COL27A1: variants seen among roughly 807,000 people sequenced by gnomAD.
COL27A1 encodes collagen alpha-1(XXVII) chain.
COL27A1 carries 106 observed loss-of-function variants against 251.3 expected under a neutral mutation model. That is an observed-to-expected ratio of 0.42 (90% CI 0.36 to 0.50). The LOEUF (loss-of-function observed/expected upper bound fraction) is 0.50, where lower values mean the gene tolerates loss of function less well. COL27A1 is among the 20% of genes least tolerant of loss of function. COL27A1 has a pLI of 0.00. For synonymous variants in COL27A1, 1,000 were observed against 986.3 expected, an observed-to-expected ratio of 1.01 and a Z score of -0.26; for missense variants, 2,325 against 2,522.8, an observed-to-expected ratio of 0.92 and a Z score of 1.68.
chr9:114,235,340 G>A (rs186477639), intron 16 of COL27A1, among the ~76,000 whole-genome samples: 36 of 152,330 alleles, frequency 2.4e-4, no homozygotes, highest in Non-Finnish European at 4.6e-4. Context: ...ACTGGGCAGT[G>A]GGCAGCTTAG....
At chr9:114,245,148 G>GTTTTGTT (rs1833027956) in intron 23 of COL27A1, among the ~76,000 whole-genome samples, 3 of 101,308 alleles carry the variant, frequency 3.0e-5, no homozygotes, top group African/African-American at 1.2e-4. Context: ...GTGCATTCTT[G>GTTTTGTT]TTTTTTTTTT....
intron 28 of COL27A1, among the ~76,000 whole-genome samples, chr9:114,263,141 G>A (rs538090664): frequency 6.6e-6 from 1 of 152,154 alleles, no homozygotes; most frequent in Non-Finnish European, 1.5e-5. Flanking sequence ...GTTTCACCAT[G>A]TTGGTCAGGC....
At chr9:114,261,933 G>T (rs556958977) in intron 28 of COL27A1, among the ~76,000 whole-genome samples, 41 of 152,300 alleles carry the variant, frequency 2.7e-4, no homozygotes, top group Non-Finnish European at 4.7e-4. Flanking sequence ...ATTATTTGAT[G>T]ACTTAAGCTT....
chr9:114,230,000 G>T (rs914320843), intron 14 of COL27A1, among the ~76,000 whole-genome samples: 16 of 152,216 alleles, frequency 1.1e-4, no homozygotes, highest in Non-Finnish European at 2.2e-4. Flanking sequence ...AATGCCTCCA[G>T]ACATTGCTAA....
intron 32 of COL27A1, among the ~76,000 whole-genome samples, chr9:114,266,091 A>C (rs879870778): frequency 6.6e-6 from 1 of 152,108 alleles, no homozygotes; most frequent in Non-Finnish European, 1.5e-5. Flanking sequence ...AGAGGACAGA[A>C]TCTCCAGGGG....
In COL27A1 at chr9:114,282,665, C is replaced by T. The variant is rs1407661884; in HGVS notation, c.3879+101C>T. On this transcript the variant is annotated intron_variant, in intron 39 of 60. Transcript: ENST00000356083. ...GCTTCTCTGTGCTGTTATCACCCACCCCAGCTATTAGCTGAACACCTGGTG... is the reference window on the plus strand; with the variant it reads ...GCTTCTCTGTGCTGTTATCACCCACTCCAGCTATTAGCTGAACACCTGGTG... 116 of 725,564 alleles carry T rather than the reference C, an allele frequency of 1.6e-4. 2 individuals carry two copies. In the East Asian group the frequency reaches 3.2e-3, roughly 20 times the overall value. The allele number at this position is 725,564 out of a possible 1,614,324, so 44.9% of individuals were successfully genotyped here.
chr9:114,195,642 A>G (rs1028629549), intron 6 of COL27A1, among the ~76,000 whole-genome samples: 2 of 152,162 alleles, frequency 1.3e-5, no homozygotes, highest in Admixed American at 6.5e-5. Context: ...TGGGACTGAT[A>G]AGGCACATGT....
intron 6 of COL27A1, 74 bp downstream of exon 6, chr9:114,194,531 A>G: frequency 7.5e-7 from 1 of 1,333,608 alleles, no homozygotes; most frequent in Non-Finnish European, 1.1e-6. Context: ...CTTTAAAGCT[A>G]GCTGTCCTGC....
At chr9:114,236,892 G>T (rs1832435587) in intron 17 of COL27A1, 89 bp from the exon 18 acceptor site, 1 of 1,251,866 alleles carries the variant, frequency 8.0e-7, no homozygotes, top group Admixed American at 1.8e-5. Flanking sequence ...GGCGTTCTCT[G>T]GGCCTGGGAC....
intron 1 of COL27A1, among the ~76,000 whole-genome samples, chr9:114,156,912 C>T (rs1305996221): frequency 6.6e-6 from 1 of 152,172 alleles, no homozygotes. Context: ...TCTTTCCATC[C>T]TGCCCCCAGG....
intron 59 of COL27A1, among the ~76,000 whole-genome samples, chr9:114,308,644 C>T (rs555034218): frequency 3.3e-5 from 5 of 152,332 alleles, no homozygotes; most frequent in Admixed American, 2.0e-4. Flanking sequence ...TTTGGGATCA[C>T]GCAGCAAACC....
Position 114,269,230 on chromosome 9 carries a change from G to A in COL27A1, c.3502-11G>A. On this transcript the variant is annotated splice_polypyrimidine_tract_variant and intron_variant, in intron 34 of 60. Transcript: ENST00000356083. ...ACCCACCCGCAAGGACTTTTGTTCG[G>A]CTTCTCCTAGGGTGACCTTGGACCC... 1 of 1,577,084 alleles carries A rather than the reference G, an allele frequency of 6.3e-7. No homozygotes were observed. Among genetic ancestry groups the A allele is most frequent in the Non-Finnish European group, 8.6e-7 (1 of 1,158,678 alleles).
intron 8 of COL27A1, 99 bp from the exon 9 acceptor site, chr9:114,205,660 T>C: frequency 9.2e-7 from 1 of 1,086,102 alleles, no homozygotes; most frequent in Non-Finnish European, 1.4e-6. Context: ...TTCCTGCCCC[T>C]CTCTTTATTC....
At position 114,168,311 on chromosome 9, in the gene COL27A1, A is replaced by T. The variant is rs918738464; in HGVS notation, c.756A>T (p.Gln252His). Residue 252 changes from glutamine to histidine, a missense_variant, in exon 3 of 61, where the codon CAA (glutamine) becomes CAT (histidine). Physicochemically the swap from Gln to His is conservative, Grantham distance 24. Around this residue, in one of 4 missense-constraint regions of COL27A1, gnomAD observed 1,183 missense variants for 1,144.1 expected, o/e 1.03. Coordinates refer to ENST00000356083, the MANE Select transcript of COL27A1 (RefSeq NM_032888.4). ...YQSPLGPLFSQDSGRPFTFQS... is the reference protein window; with the variant it reads ...YQSPLGPLFSHDSGRPFTFQS... ...CCCCACTGGGACCTCTCTTCTCCCA[A>T]GACTCTGGCAGACCTTTTACCTTCC... 3.1e-6 allele frequency: 5 copies of T among 1,613,282 alleles called. No individual in the cohort carries two copies. The highest frequency in any genetic ancestry group is 4.2e-6 in the Non-Finnish European group (5 of 1,180,000).
At chr9:114,291,177 G>T (rs1276519362) in intron 48 of COL27A1, among the ~76,000 whole-genome samples, 1 of 152,158 alleles carries the variant, frequency 6.6e-6, no homozygotes, top group Non-Finnish European at 1.5e-5. Context: ...GTCCACGGGC[G>T]CCCTCTCGTG....
In COL27A1 at chr9:114,159,715, T is replaced by C. The variant is rs142170403; in HGVS notation, c.63-3000T>C. 1.5e-3 allele frequency among the ~76,000 whole-genome samples: 225 copies of C among 152,324 alleles called. 2 individuals are homozygous for C. In the South Asian group the frequency reaches 0.026, roughly 17 times the overall value. On this transcript the variant is annotated intron_variant, in intron 1 of 60. Transcript: ENST00000356083. Reference sequence around the variant, plus strand: ...GATGCAGGGTACAGCTCTTCCCTAATGTATCTGGCCAATTTCCTAGAAAGC... The same window carrying C: ...GATGCAGGGTACAGCTCTTCCCTAACGTATCTGGCCAATTTCCTAGAAAGC...
At chr9:114,216,605 G>A (rs1292961570) in intron 12 of COL27A1, among the ~76,000 whole-genome samples, 1 of 152,196 alleles carries the variant, frequency 6.6e-6, no homozygotes, top group Non-Finnish European at 1.5e-5. Context: ...ATGAGGTGGT[G>A]AACATCAAGA....
intron 11 of COL27A1, 21 bp downstream of exon 11, chr9:114,209,749 A>G: frequency 6.2e-7 from 1 of 1,613,210 alleles, no homozygotes; most frequent in South Asian, 1.1e-5. Flanking sequence ...TTCTTTGGTT[A>G]TTCACCATCC....
At chr9:114,157,345 T>C (rs971859953) in intron 1 of COL27A1, among the ~76,000 whole-genome samples, 2 of 152,214 alleles carry the variant, frequency 1.3e-5, no homozygotes, top group Non-Finnish European at 2.9e-5. Flanking sequence ...GGCGCCAGCA[T>C]ACCTCTGCTC....
Sources: allele counts gnomAD v4.1 joint callset (sites outside exome capture counted in the v4.1 genomes callset), GRCh38; gene constraint gnomAD v4.1.1; regional missense constraint gnomAD v4.1.1; transcripts MANE v1.5; gene names NCBI Gene and HGNC (gene_info 2026-07-23, HGNC 2026-07-21).